ATG4C: variants seen among roughly 807,000 people sequenced by gnomAD.
ATG4C encodes the protein cysteine protease ATG4C.
A neutral mutation model predicts 57.6 loss-of-function variants in ATG4C; 56 were observed. The observed-to-expected ratio is 0.97, with a 90% CI of 0.78 to 1.21. ATG4C has a LOEUF of 1.21. Among genes scored for constraint, ATG4C ranks in the 50% most tolerant of loss-of-function variants. ATG4C has a pLI of 0.00. For missense variants in ATG4C, 595 were observed against 529.8 expected, an observed-to-expected ratio of 1.12 and a Z score of -1.21; for synonymous variants, 157 against 174.1, an observed-to-expected ratio of 0.90 and a Z score of 0.78.
At position 62,864,050 on chromosome 1, in the gene ATG4C, C is replaced by T; in HGVS notation, c.1268C>T (p.Ser423Phe). 1.3e-6 allele frequency: 2 copies of T among 1,598,288 alleles called. No individual in the cohort carries two copies. Among genetic ancestry groups the T allele is most frequent in the Non-Finnish European group, 8.5e-7 (1 of 1,173,740 alleles). The change falls in exon 11 of 11, where the codon TCC becomes TTC. Residue 423 changes from serine to phenylalanine, a missense_variant. Ser to Phe is a radical substitution (Grantham distance 155). Coordinates refer to ENST00000317868, the MANE Select transcript of ATG4C (RefSeq NM_032852.4). ...TTATTTACTTTTGTAAATGGTCATT[C>T]CAGAGACTATGATTTTACATCTACT... ...YPLFTFVNGHSRDYDFTSTTT... is the reference protein window; with the variant it reads ...YPLFTFVNGHFRDYDFTSTTT...
chr1:62,859,135 A>C (rs1458506671), intron 10 of ATG4C, among the ~76,000 whole-genome samples: 1 of 152,200 alleles, frequency 6.6e-6, no homozygotes, highest in Non-Finnish European at 1.5e-5. Context: ...TCAGAATTCA[A>C]AACATTTTGA....
chr1:62,863,032 C>A (rs1286187040), intron 10 of ATG4C, among the ~76,000 whole-genome samples: 9 of 151,884 alleles, frequency 5.9e-5, no homozygotes, highest in African/African-American at 2.2e-4. Context: ...TTCTTTTTGT[C>A]AAAACATCCT....
Position 62,864,531 on chromosome 1 carries a change from T to C in ATG4C, c.*372T>C, listed in dbSNP as rs1666949402. 5.5e-6 allele frequency: 1 copy of C among 181,832 alleles called. No homozygotes were observed. Among genetic ancestry groups the C allele is most frequent in the Admixed American group, 6.2e-5 (1 of 16,080 alleles). 11.3% of individuals were successfully genotyped at this position (181,832 alleles called of 1,614,324 possible). On this transcript the variant is annotated 3_prime_UTR_variant, in exon 11 of 11. Transcript: ENST00000317868. ...CTGGGATCACCAAATAGTTTCAAAATTCTCAGTTTGTACTGAAGACCAGAA... is the reference window on the plus strand; with the variant it reads ...CTGGGATCACCAAATAGTTTCAAAACTCTCAGTTTGTACTGAAGACCAGAA...
chr1:62,807,923 G>T (rs1664934718), intron 3 of ATG4C, among the ~76,000 whole-genome samples: 1 of 152,028 alleles, frequency 6.6e-6, no homozygotes, highest in African/African-American at 2.4e-5. Flanking sequence ...TGATCTTATG[G>T]GACAGTCCTT....
chr1:62,817,507 A>G (rs956442794), intron 4 of ATG4C, among the ~76,000 whole-genome samples: 1 of 152,010 alleles, frequency 6.6e-6, no homozygotes, highest in Non-Finnish European at 1.5e-5. Flanking sequence ...CACCATGGTT[A>G]GCTAATTTTT....
At chr1:62,821,972 C>T (rs1665497434) in intron 6 of ATG4C, among the ~76,000 whole-genome samples, 1 of 152,034 alleles carries the variant, frequency 6.6e-6, no homozygotes, top group Non-Finnish European at 1.5e-5. Flanking sequence ...GTGAAAAATG[C>T]TGTGCTCAAA....
At chr1:62,837,492 G>A (rs75865530) in intron 9 of ATG4C, among the ~76,000 whole-genome samples, 8,257 of 152,196 alleles carry the variant, frequency 0.054, 767 homozygotes, top group African/African-American at 0.19. Context: ...GAAATTAGAA[G>A]GGAGTGAGAA....
chr1:62,833,097 T>C (rs1665892365), intron 7 of ATG4C, among the ~76,000 whole-genome samples: 1 of 152,146 alleles, frequency 6.6e-6, no homozygotes, highest in Non-Finnish European at 1.5e-5. Flanking sequence ...GTGTTCTGTA[T>C]GGTTTGGTTA....
In ATG4C at chr1:62,862,438, A is replaced by G. The variant is rs929812298; in HGVS notation, c.1210-1554A>G. ...GCCCGTTAGATACTGGACTTTTACA[A>G]GTGACATTAAATGAATATAAAAATG... On this transcript the variant is annotated intron_variant, in intron 10 of 10. Coordinates refer to ENST00000317868, the MANE Select transcript of ATG4C (RefSeq NM_032852.4). Among the ~76,000 whole-genome samples the G allele has an allele frequency of 2.6e-5, 4 of 152,140 alleles. No homozygotes were observed. In the South Asian group the frequency reaches 8.3e-4, roughly 31 times the overall value.
rs192785179 is a variant in ATG4C at position 62,796,738 on chromosome 1, A to C, written c.-68-6981A>C. On this transcript the variant is annotated intron_variant, in intron 1 of 10. Coordinates refer to ENST00000317868, the MANE Select transcript of ATG4C (RefSeq NM_032852.4). ...GAATAATATTGATGTTTTTTAAAAG[A>C]TGCTCAATGTGAACAATTTAAATCA... Among the ~76,000 whole-genome samples the C allele has an allele frequency of 2.0e-4, 31 of 152,352 alleles. No individual in the cohort carries two copies. The East Asian group carries it at 5.0e-3, about 25-fold the overall frequency.
At chr1:62,825,900 C>A (rs749998552) in intron 6 of ATG4C, among the ~76,000 whole-genome samples, 22 of 151,998 alleles carry the variant, frequency 1.4e-4, no homozygotes, top group Admixed American at 8.5e-4. Flanking sequence ...TCTTCAGATA[C>A]ATGAACTGAT....
chr1:62,841,261 A>G (rs1179891780), intron 9 of ATG4C, among the ~76,000 whole-genome samples, 167 bp from the exon 10 acceptor site: 1 of 152,200 alleles, frequency 6.6e-6, no homozygotes, highest in African/African-American at 2.4e-5. Flanking sequence ...TATATTTTAC[A>G]GTTTTGCAGA....
Position 62,834,076 on chromosome 1 carries a change from T to C in ATG4C, c.972T>C (p.Gly324=), listed in dbSNP as rs763347056. ...LSLEYCVGII[G]GKPKQSYYFA... Reference sequence around the variant, plus strand: ...TGGAATATTGTGTGGGTATTATTGGTGGCAAACCTAAACAGTCATATTACT... The same window carrying C: ...TGGAATATTGTGTGGGTATTATTGGCGGCAAACCTAAACAGTCATATTACT... Residue 324 remains glycine, a synonymous_variant, in exon 8 of 11, where the codon GGT becomes GGC. Transcript: ENST00000317868. The C allele has an allele frequency of 4.1e-5, 66 of 1,612,918 alleles. No homozygotes were observed. The highest frequency in any genetic ancestry group is 5.6e-5 in the Non-Finnish European group (66 of 1,179,370).
At chr1:62,830,600 T>C (rs6679582) in intron 7 of ATG4C, among the ~76,000 whole-genome samples, 92,617 of 151,848 alleles carry the variant, frequency 0.61, 28,294 homozygotes, top group Admixed American at 0.7. Context: ...GTTAATAGCT[T>C]GACCATGGTT....
chr1:62,845,233 C>G (rs1666292173), intron 10 of ATG4C, among the ~76,000 whole-genome samples: 1 of 151,946 alleles, frequency 6.6e-6, no homozygotes, highest in Admixed American at 6.6e-5. Context: ...ATAAGAATTT[C>G]TTAACATCCT....
chr1:62,830,686 C>G (rs1244897590), intron 7 of ATG4C, among the ~76,000 whole-genome samples: 1 of 152,024 alleles, frequency 6.6e-6, no homozygotes, highest in Non-Finnish European at 1.5e-5. Flanking sequence ...GTCCTTACCA[C>G]AGGAGGTTTA....
intron 1 of ATG4C, among the ~76,000 whole-genome samples, chr1:62,792,759 T>C (rs1030512698): frequency 9.2e-5 from 14 of 152,190 alleles, no homozygotes. Flanking sequence ...AGTCAGAGGC[T>C]GAGGGACTGC....
rs758033228 is a variant in ATG4C, at chr1:62,864,080, C to G, written c.1298C>G (p.Thr433Ser). 2 of 1,605,910 alleles carry G rather than the reference C, an allele frequency of 1.2e-6. No homozygotes were observed. Among genetic ancestry groups the G allele is most frequent in the East Asian group, 2.2e-5 (1 of 44,668 alleles). The change falls in exon 11 of 11, where the codon ACC (threonine) becomes AGC (serine). Residue 433 changes from threonine to serine, a missense_variant. Thr to Ser is a moderately conservative substitution (Grantham distance 58). Coordinates refer to ENST00000317868, the MANE Select transcript of ATG4C (RefSeq NM_032852.4). ...SRDYDFTSTT[T>S]NEEDLFSEDE... ...GACTATGATTTTACATCTACTACAA[C>G]CAATGAAGAAGACCTTTTTTCAGAG...
At chr1:62,799,872 A>ATTTT (rs35368838) in intron 1 of ATG4C, among the ~76,000 whole-genome samples, 191 of 141,488 alleles carry the variant, frequency 1.3e-3, no homozygotes, top group African/African-American at 4.6e-3. Context: ...CATTCTTTCT[A>ATTTT]TTTTTTTTTT....
Sources: gnomAD v4.1 joint callset for allele counts (sites outside exome capture counted in the v4.1 genomes callset) on GRCh38, gnomAD v4.1.1 for gene constraint, MANE v1.5 for transcripts, NCBI Gene and HGNC (gene_info 2026-07-23, HGNC 2026-07-21) for gene names.